Variants in ANTXR2 observed in about 807,000 individuals in gnomAD.
ANTXR2 encodes anthrax toxin receptor 2.
Under a neutral mutation model 73.7 loss-of-function variants are expected in ANTXR2, and 44 were observed. The observed-to-expected ratio is 0.60, with a 90% CI of 0.47 to 0.77. ANTXR2 has a LOEUF of 0.77. Among genes scored for constraint, ANTXR2 ranks in the 30% least tolerant of loss-of-function variants. ANTXR2 has a pLI of 0.00. For synonymous variants in ANTXR2, 217 were observed against 205.9 expected, an observed-to-expected ratio of 1.05 and a Z score of -0.46; for missense variants, 604 against 592.5, an observed-to-expected ratio of 1.02 and a Z score of -0.20.
intron 12 of ANTXR2, among the ~76,000 whole-genome samples, chr4:79,994,419 T>C (rs1429837875): frequency 6.6e-6 from 1 of 152,024 alleles, no homozygotes; most frequent in Non-Finnish European, 1.5e-5. Flanking sequence ...GTTCTCTCAC[T>C]AGAAAAAGGT....
At chr4:79,912,820 C>G (rs955358435) in intron 16 of ANTXR2, among the ~76,000 whole-genome samples, 7 of 151,882 alleles carry the variant, frequency 4.6e-5, no homozygotes, top group Admixed American at 1.3e-4. Flanking sequence ...CTATTTTACT[C>G]TATTCTACAG....
rs147906284 is a variant in ANTXR2 at position 79,944,834 on chromosome 4, A to G, written c.1428+32787T>C. 2.0e-4 allele frequency among the ~76,000 whole-genome samples: 30 copies of G among 152,224 alleles called. 1 individual carries two copies. Among genetic ancestry groups the G allele is most frequent in the African/African-American group, 6.7e-4 (28 of 41,552 alleles). ...CCCAATGTTTTCTCCCTAGAGTTTG[A>G]GCTTTCAGCATACAAAGTGACGCCT... On this transcript the variant is annotated intron_variant, in intron 16 of 16. Transcript: ENST00000403729.
chr4:80,028,360 C>T (rs889573537), intron 10 of ANTXR2, among the ~76,000 whole-genome samples: 4 of 152,086 alleles, frequency 2.6e-5, no homozygotes, highest in African/African-American at 9.7e-5. Flanking sequence ...ATTCTTACTC[C>T]CCCATCTCCC....
At chr4:80,036,239 T>C (rs940833835) in intron 7 of ANTXR2, among the ~76,000 whole-genome samples, 1 of 152,138 alleles carries the variant, frequency 6.6e-6, no homozygotes, top group Admixed American at 6.6e-5. Flanking sequence ...TTATGTACTG[T>C]AGGATCCTTA....
intron 16 of ANTXR2, among the ~76,000 whole-genome samples, chr4:79,974,671 A>G (rs750199359): frequency 1.8e-4 from 28 of 152,004 alleles, no homozygotes; most frequent in Non-Finnish European, 2.5e-4. Context: ...AGATTATATC[A>G]TATTCCTAAA....
chr4:80,010,395 A>C (rs1451299906), intron 11 of ANTXR2, among the ~76,000 whole-genome samples: 1 of 152,256 alleles, frequency 6.6e-6, no homozygotes, highest in Non-Finnish European at 1.5e-5. Flanking sequence ...TATGTAAGAC[A>C]GCCCCTATCT....
At chr4:80,034,816 A>G (rs1229353587) in intron 8 of ANTXR2, among the ~76,000 whole-genome samples, 4 of 152,168 alleles carry the variant, frequency 2.6e-5, no homozygotes, top group African/African-American at 7.2e-5. Context: ...CAAGTATAAT[A>G]TAGTCATTAA....
rs545526645 is a variant in ANTXR2 at position 80,024,058 on chromosome 4, A to T, written c.867-5082T>A. ...GTGTACTTGAAATAAGTACCAAAGTAGAATTGAACTAAAATAGTGGCAATG... is the reference window on the plus strand; with the variant it reads ...GTGTACTTGAAATAAGTACCAAAGTTGAATTGAACTAAAATAGTGGCAATG... On this transcript the variant is annotated intron_variant, in intron 10 of 16. Transcript: ENST00000403729. Among the ~76,000 whole-genome samples, 4 of 152,382 alleles carry T rather than the reference A, an allele frequency of 2.6e-5. No individual in the cohort carries two copies. The South Asian group carries it at 8.3e-4, about 32-fold the overall frequency.
At chr4:79,984,668 A>T in intron 13 of ANTXR2, 151 bp downstream of exon 13, 1 of 746,036 alleles carries the variant, frequency 1.3e-6, no homozygotes, top group South Asian at 1.6e-5. Flanking sequence ...AAATCATAAG[A>T]GGATGAAAAA....
At position 79,926,991 on chromosome 4, in the gene ANTXR2, GT is replaced by G. The variant is rs777789662; in HGVS notation, c.1429-19525del. On this transcript the variant is annotated intron_variant, in intron 16 of 16. Transcript: ENST00000403729. ...TGTGTATATATACGTGTGCATATAT[GT>G]GTATATATACACGTGTGCATATATA... Among the ~76,000 whole-genome samples the G allele has an allele frequency of 3.6e-3, 528 of 147,240 alleles. 2 individuals are homozygous for G. The highest frequency in any genetic ancestry group is 6.1e-3 in the Non-Finnish European group (406 of 66,986).
chr4:80,060,344 T>C (rs566388871), intron 3 of ANTXR2, among the ~76,000 whole-genome samples: 1 of 152,328 alleles, frequency 6.6e-6, no homozygotes, highest in East Asian at 1.9e-4. Flanking sequence ...CAGAGTATTC[T>C]AATGCGCTGC....
intron 12 of ANTXR2, among the ~76,000 whole-genome samples, chr4:79,988,651 T>C (rs1302011869): frequency 6.6e-6 from 1 of 152,002 alleles, no homozygotes; most frequent in East Asian, 1.9e-4. Flanking sequence ...CAAATGGACC[T>C]AACAGACATC....
intron 10 of ANTXR2, among the ~76,000 whole-genome samples, chr4:80,020,750 A>ATGT: frequency 6.6e-6 from 1 of 152,232 alleles, no homozygotes; most frequent in Non-Finnish European, 1.5e-5. Flanking sequence ...CATACAAGAA[A>ATGT]GCTACTGGGA....
At chr4:80,056,042 A>T (rs1379146989) in intron 3 of ANTXR2, 29 bp from the exon 4 acceptor site, 3 of 1,444,432 alleles carry the variant, frequency 2.1e-6, no homozygotes, top group African/African-American at 1.5e-5. Flanking sequence ...AAAAGAAAAA[A>T]TGAGCAAAGA....
At chr4:79,920,732 A>T (rs1397398585) in intron 16 of ANTXR2, among the ~76,000 whole-genome samples, 1 of 152,162 alleles carries the variant, frequency 6.6e-6, no homozygotes, top group Non-Finnish European at 1.5e-5. Flanking sequence ...GCCTGGTAGC[A>T]GTCACCTATA....
chr4:79,964,382 T>A (rs1354954191), intron 16 of ANTXR2, among the ~76,000 whole-genome samples: 1 of 152,220 alleles, frequency 6.6e-6, no homozygotes, highest in Non-Finnish European at 1.5e-5. Context: ...AACACTGCTT[T>A]GAAAACCAAA....
rs150798512 is a variant in ANTXR2 at position 79,962,704 on chromosome 4, A to G, written c.1428+14917T>C. On this transcript the variant is annotated intron_variant, in intron 16 of 16. Coordinates refer to ENST00000403729, the MANE Select transcript of ANTXR2 (RefSeq NM_058172.6). The stretch of plus-strand genomic sequence containing the variant: ...TTTTATACATGATAGGACTGACTCA[A>G]TTAGGCTACAATAAAGGGTTATTTT... 3.9e-4 allele frequency among the ~76,000 whole-genome samples: 60 copies of G among 152,310 alleles called. No individual in the cohort carries two copies. The East Asian group carries it at 0.01, about 26-fold the overall frequency.
intron 12 of ANTXR2, among the ~76,000 whole-genome samples, chr4:79,998,217 A>G (rs530640464): frequency 3.9e-5 from 6 of 152,110 alleles, no homozygotes; most frequent in Non-Finnish European, 7.4e-5. Flanking sequence ...TGGGCTTTAA[A>G]AACATAAAAA....
At chr4:79,934,474 C>A (rs1419735606) in intron 16 of ANTXR2, among the ~76,000 whole-genome samples, 1 of 151,826 alleles carries the variant, frequency 6.6e-6, no homozygotes. Flanking sequence ...TTGCAATGAG[C>A]CAAGATCATG....
Sources: allele counts gnomAD v4.1 joint callset (sites outside exome capture counted in the v4.1 genomes callset), GRCh38; gene constraint gnomAD v4.1.1; transcripts MANE v1.5; gene names NCBI Gene and HGNC (gene_info 2026-07-23, HGNC 2026-07-21).